PALS1: variants seen among roughly 807,000 people sequenced by gnomAD.
PALS1 encodes protein PALS1.
In PALS1, 31 loss-of-function variants were observed where a neutral mutation model predicts 78.9. That is an observed-to-expected ratio of 0.39 (90% CI 0.30 to 0.53). The LOEUF is 0.53. Among genes scored for constraint, PALS1 ranks in the 20% least tolerant of loss-of-function variants. The pLI is 0.67. For synonymous variants in PALS1, 276 were observed against 270.9 expected (o/e 1.02, Z -0.18); for missense variants, 704 against 826.5 (o/e 0.85, Z 1.82).
intron 11 of PALS1, among the ~76,000 whole-genome samples, chr14:67,319,938 G>A (rs1304559584): frequency 2.0e-5 from 3 of 152,086 alleles, no homozygotes; most frequent in African/African-American, 2.4e-5. Flanking sequence ...CCCTGGTACC[G>A]CATCCTTATT....
chr14:67,301,791 C>T (rs1423396121), intron 5 of PALS1, among the ~76,000 whole-genome samples, 181 bp from the exon 6 acceptor site: 1 of 152,130 alleles, frequency 6.6e-6, no homozygotes, highest in East Asian at 1.9e-4. Context: ...GCATTTTAGA[C>T]TTTCATAACC....
At chr14:67,300,934 C>T (rs1478699154) in intron 4 of PALS1, among the ~76,000 whole-genome samples, 7 of 151,612 alleles carry the variant, frequency 4.6e-5, no homozygotes, top group East Asian at 1.9e-4. Context: ...TTAAGCAATC[C>T]GCTTGCCTCA....
At chr14:67,271,806 C>T (rs1031895633) in intron 2 of PALS1, 3 of 152,242 alleles carry the variant, frequency 2.0e-5, no homozygotes, top group Admixed American at 2.0e-4. Context: ...GGCACGGTGG[C>T]TCACGCCTGT....
chr14:67,246,252 C>T (rs1332916669), intron 1 of PALS1, among the ~76,000 whole-genome samples: 1 of 151,950 alleles, frequency 6.6e-6, no homozygotes, highest in African/African-American at 2.4e-5. Flanking sequence ...AGCAATCCTC[C>T]CAAGTAGCTG....
At chr14:67,312,407 G>A in intron 8 of PALS1, 120 bp from the exon 9 acceptor site, 3 of 648,382 alleles carry the variant, frequency 4.6e-6, no homozygotes, top group Non-Finnish European at 7.1e-6. Context: ...CTGAGATGCT[G>A]TCTCTATTAA....
chr14:67,274,609 T>A (rs564655063), intron 2 of PALS1, among the ~76,000 whole-genome samples: 2 of 152,344 alleles, frequency 1.3e-5, no homozygotes, highest in African/African-American at 4.8e-5. Flanking sequence ...ATGCGGGCTC[T>A]TTTTTGGTTC....
chr14:67,321,350 C>T (rs544727079), intron 13 of PALS1, 91 bp downstream of exon 13: 5 of 1,192,686 alleles, frequency 4.2e-6, no homozygotes, highest in African/African-American at 3.0e-5. Flanking sequence ...CCAAGAACAG[C>T]GCGACCTAAT....
chr14:67,295,729 T>C (rs370407954), intron 4 of PALS1, among the ~76,000 whole-genome samples: 3 of 152,210 alleles, frequency 2.0e-5, no homozygotes, highest in East Asian at 3.8e-4. Flanking sequence ...TGTGAACTTA[T>C]GGAACAACTG....
At chr14:67,284,308 G>A (rs768011383) in intron 3 of PALS1, among the ~76,000 whole-genome samples, 11 of 151,482 alleles carry the variant, frequency 7.3e-5, no homozygotes, top group Non-Finnish European at 1.5e-4. Context: ...ATACTCACAA[G>A]GTTGTGCAGG....
At chr14:67,299,668 G>A (rs904957723) in intron 4 of PALS1, among the ~76,000 whole-genome samples, 5 of 152,192 alleles carry the variant, frequency 3.3e-5, no homozygotes, top group African/African-American at 1.2e-4. Flanking sequence ...AGTAGCTGAT[G>A]ATATGTGTTG....
intron 4 of PALS1, among the ~76,000 whole-genome samples, chr14:67,299,872 C>A (rs2084908902): frequency 6.6e-6 from 1 of 152,142 alleles, no homozygotes; most frequent in Non-Finnish European, 1.5e-5. Context: ...CATTTTTAAT[C>A]CAGAATTATC....
At chr14:67,275,543 C>T (rs554831452) in intron 2 of PALS1, among the ~76,000 whole-genome samples, 9 of 152,084 alleles carry the variant, frequency 5.9e-5, no homozygotes, top group African/African-American at 1.2e-4. Flanking sequence ...TGAAGATTTT[C>T]GCATCGACAT....
Position 67,279,046 on chromosome 14 carries a change from A to C in PALS1, c.-125A>C. 1 of 868,232 alleles carries C rather than the reference A, an allele frequency of 1.2e-6. No individual in the cohort carries two copies. The highest frequency in any genetic ancestry group is 3.6e-5 in the Admixed American group (1 of 28,020). The allele number at this position is 868,232 out of a possible 1,614,324, so 53.8% of individuals were successfully genotyped here. A position where few individuals can be genotyped will look rare whatever the true frequency, so the allele number is the denominator to read the frequency against. ...TCCTTCATGGATACTTTTTCATAGC[A>C]TTATTATGTGATGTGAGAAGTTTTT... On this transcript the variant is annotated 5_prime_UTR_variant, in exon 3 of 15. Transcript: ENST00000261681.
At chr14:67,330,615 C>T (rs1490092032) in intron 14 of PALS1, among the ~76,000 whole-genome samples, 5 of 152,036 alleles carry the variant, frequency 3.3e-5, no homozygotes, top group South Asian at 2.1e-4. Flanking sequence ...TGCACCACCA[C>T]GCCCAGCTAA....
At chr14:67,241,778 CT>C (rs1567493284) in intron 1 of PALS1, 1 of 151,964 alleles carries the variant, frequency 6.6e-6, no homozygotes, top group African/African-American at 2.4e-5. Context: ...GCTCCTTCTG[CT>C]TGGCTGGGCA....
intron 1 of PALS1, among the ~76,000 whole-genome samples, chr14:67,245,532 T>C (rs936933553): frequency 2.0e-5 from 3 of 152,158 alleles, no homozygotes; most frequent in African/African-American, 7.2e-5. Flanking sequence ...CCTTTTTTCT[T>C]TAGGGATGGG....
At chr14:67,243,445 C>T (rs1269511733) in intron 1 of PALS1, among the ~76,000 whole-genome samples, 2 of 150,750 alleles carry the variant, frequency 1.3e-5, no homozygotes, top group African/African-American at 4.9e-5. Flanking sequence ...GCCTCGGCCT[C>T]CTGAAATGCT....
At chr14:67,307,980 A>T (rs560467646) in intron 8 of PALS1, among the ~76,000 whole-genome samples, 1 of 152,288 alleles carries the variant, frequency 6.6e-6, no homozygotes, top group South Asian at 2.1e-4. Context: ...TAACACAGGA[A>T]CAGAAAACCA....
At chr14:67,282,419 A>C (rs918964012) in intron 3 of PALS1, among the ~76,000 whole-genome samples, 2 of 152,170 alleles carry the variant, frequency 1.3e-5, no homozygotes, top group East Asian at 3.8e-4. Context: ...GTTTCTAAAC[A>C]ATACATCATC....
Sources: allele counts gnomAD v4.1 joint callset (sites outside exome capture counted in the v4.1 genomes callset), GRCh38; gene constraint gnomAD v4.1.1; transcripts MANE v1.5; gene names NCBI Gene and HGNC (gene_info 2026-07-23, HGNC 2026-07-21).